The following HMCN1 variants were observed in gnomAD, a reference collection of about 807,000 sequenced individuals.
HMCN1 encodes hemicentin-1.
HMCN1 carries 321 observed loss-of-function variants against 625.9 expected under a neutral mutation model. The observed-to-expected ratio is 0.51, with a 90% CI of 0.47 to 0.56. The LOEUF is 0.56. Among genes scored for constraint, HMCN1 ranks in the 20% least tolerant of loss-of-function variants. The pLI is 0.00. For synonymous variants in HMCN1, 2,425 were observed against 2,417.6 expected (o/e 1.00, Z -0.09); for missense variants, 6,588 against 6,887.3 (o/e 0.96, Z 1.54).
Position 186,088,762 on chromosome 1 carries a change from A to G in HMCN1, c.9727+7A>G. ...TACTTTCTTTCAATTCAAGGTATGT[A>G]TTGTCCACTATGATCTATCTTCAAT... On this transcript the variant is annotated splice_region_variant and intron_variant, in intron 63 of 106. Transcript: ENST00000271588. 1 of 1,602,720 alleles carries G rather than the reference A, an allele frequency of 6.2e-7. No homozygotes were observed. Among genetic ancestry groups the G allele is most frequent in the Non-Finnish European group, 8.5e-7 (1 of 1,172,370 alleles).
chr1:186,126,819 A>C (rs1261607056), intron 82 of HMCN1, among the ~76,000 whole-genome samples: 1 of 152,132 alleles, frequency 6.6e-6, no homozygotes, highest in Non-Finnish European at 1.5e-5. Flanking sequence ...GTCAGAATCC[A>C]TTGCAGGTTT....
chr1:186,148,935 C>CTT (rs57126500), intron 93 of HMCN1, among the ~76,000 whole-genome samples: 7 of 143,300 alleles, frequency 4.9e-5, no homozygotes, highest in Admixed American at 7.0e-5. Flanking sequence ...TGAAAGGAAT[C>CTT]TTTTTTTTTT....
At chr1:185,832,306 TAAAAA>T (rs1248360185) in intron 1 of HMCN1, among the ~76,000 whole-genome samples, 2 of 151,326 alleles carry the variant, frequency 1.3e-5, no homozygotes, top group Non-Finnish European at 3.0e-5. Context: ...AAACAAAAAA[TAAAAA>T]AATAAAGTTG....
intron 2 of HMCN1, among the ~76,000 whole-genome samples, chr1:185,863,662 A>G (rs1433775580): frequency 1.3e-5 from 2 of 152,232 alleles, no homozygotes; most frequent in African/African-American, 4.8e-5. Flanking sequence ...ACCAATCCAC[A>G]TAATTATGAA....
chr1:186,154,662 TTAACC>T (rs1362845420), intron 97 of HMCN1, among the ~76,000 whole-genome samples: 1 of 152,250 alleles, frequency 6.6e-6, no homozygotes, highest in Non-Finnish European at 1.5e-5. Flanking sequence ...AAGCTGTGTC[TTAACC>T]TAAACTAGTC....
intron 1 of HMCN1, among the ~76,000 whole-genome samples, chr1:185,825,995 A>C (rs1272234541): frequency 6.6e-6 from 1 of 152,198 alleles, no homozygotes; most frequent in East Asian, 1.9e-4. Context: ...TGGGAGAATG[A>C]GAATTTATTT....
chr1:185,993,867 A>G (rs1652605775), intron 23 of HMCN1, among the ~76,000 whole-genome samples: 1 of 152,100 alleles, frequency 6.6e-6, no homozygotes, highest in Admixed American at 6.6e-5. Flanking sequence ...TTCAAATATC[A>G]GAAGAAATTA....
chr1:185,983,697 A>T (rs1008058870), intron 18 of HMCN1, among the ~76,000 whole-genome samples: 1 of 152,184 alleles, frequency 6.6e-6, no homozygotes, highest in Non-Finnish European at 1.5e-5. Flanking sequence ...TAATATTTGC[A>T]TCTGTTACCT....
chr1:186,120,898 G>A (rs1652121611), intron 80 of HMCN1, among the ~76,000 whole-genome samples: 1 of 152,188 alleles, frequency 6.6e-6, no homozygotes, highest in Non-Finnish European at 1.5e-5. Flanking sequence ...CCAGATAGAT[G>A]AAATAATGAT....
intron 24 of HMCN1, among the ~76,000 whole-genome samples, chr1:185,995,648 G>A (rs1470226352): frequency 2.6e-5 from 4 of 152,076 alleles, no homozygotes; most frequent in Non-Finnish European, 5.9e-5. Context: ...CAGAAAACAG[G>A]CAAACAAATA....
chr1:186,065,461 A>G (rs762882391), intron 49 of HMCN1, 32 bp downstream of exon 49: 1 of 1,496,036 alleles, frequency 6.7e-7, no homozygotes, highest in Non-Finnish European at 9.0e-7. Flanking sequence ...TATCTTAAAG[A>G]ATCTGACATG....
intron 1 of HMCN1, among the ~76,000 whole-genome samples, chr1:185,816,017 A>G (rs1481389141): frequency 6.7e-6 from 1 of 150,170 alleles, no homozygotes; most frequent in East Asian, 1.9e-4. Flanking sequence ...AATCCAGGCA[A>G]GAATTCATGG....
chr1:185,947,262 C>T (rs1668395878), intron 11 of HMCN1, among the ~76,000 whole-genome samples: 1 of 152,058 alleles, frequency 6.6e-6, no homozygotes, highest in African/African-American at 2.4e-5. Context: ...TCCATCTGTA[C>T]TGCTCATGTG....
At chr1:185,900,157 A>G (rs1207392909) in intron 4 of HMCN1, among the ~76,000 whole-genome samples, 1 of 151,688 alleles carries the variant, frequency 6.6e-6, no homozygotes, top group African/African-American at 2.4e-5. Flanking sequence ...ACTTTCTCTG[A>G]TTTAATCCAT....
chr1:185,902,405 C>CTATCTATCTCTATCTATCTA (rs903275348), intron 4 of HMCN1, among the ~76,000 whole-genome samples: 3 of 145,358 alleles, frequency 2.1e-5, no homozygotes, highest in African/African-American at 7.8e-5. Flanking sequence ...ATCTATCTAT[C>CTATCTATCTCTATCTATCTA]TCTATCTATC....
chr1:185,956,406 A>G (rs1349195810), intron 11 of HMCN1, among the ~76,000 whole-genome samples: 1 of 152,080 alleles, frequency 6.6e-6, no homozygotes, highest in East Asian at 1.9e-4. Flanking sequence ...CCCCTCCTGG[A>G]GTTTGATTAA....
At chr1:186,033,819 T>G (rs2102209140) in intron 36 of HMCN1, among the ~76,000 whole-genome samples, 1 of 152,280 alleles carries the variant, frequency 6.6e-6, no homozygotes, top group South Asian at 2.1e-4. Context: ...AAGTAGATAT[T>G]TTAAATAACA....
intron 97 of HMCN1, among the ~76,000 whole-genome samples, chr1:186,164,006 T>G (rs1651703661): frequency 6.6e-6 from 1 of 152,136 alleles, no homozygotes; most frequent in Non-Finnish European, 1.5e-5. Context: ...CCACACAACA[T>G]AACTGGTTGG....
chr1:186,015,449 C>T lies in HMCN1; in HGVS notation c.4909+12C>T. 1 of 1,611,362 alleles carries T rather than the reference C, an allele frequency of 6.2e-7. No individual in the cohort carries two copies. The highest frequency in any genetic ancestry group is 1.1e-5 in the South Asian group (1 of 91,020). ...TGTGGATGTCTATGGTGAGGAACAA[C>T]ATATGCTTTAATTATATACCTTTCT... On this transcript the variant is annotated intron_variant, in intron 31 of 106. Coordinates refer to ENST00000271588, the MANE Select transcript of HMCN1 (RefSeq NM_031935.3).
Sources: allele counts gnomAD v4.1 joint callset (sites outside exome capture counted in the v4.1 genomes callset), GRCh38; gene constraint gnomAD v4.1.1; transcripts MANE v1.5; gene names NCBI Gene and HGNC (gene_info 2026-07-23, HGNC 2026-07-21).